Variants in RHOBTB1 observed in about 807,000 individuals in gnomAD.
RHOBTB1 encodes rho-related BTB domain-containing protein 1.
In RHOBTB1, 40 loss-of-function variants were observed where a neutral mutation model predicts 71.6. That is an observed-to-expected ratio of 0.56 (90% CI 0.43 to 0.73). The LOEUF (loss-of-function observed/expected upper bound fraction) is 0.73. RHOBTB1 is among the 30% of genes least tolerant of loss of function. The pLI is 0.00. For missense variants in RHOBTB1, 797 were observed against 894.0 expected, an observed-to-expected ratio of 0.89 and a Z score of 1.38; for synonymous variants, 319 against 334.9, an observed-to-expected ratio of 0.95 and a Z score of 0.52.
At chr10:60,867,479 T>C (rs2080640132), downstream of RHOBTB1, among the ~76,000 whole-genome samples, 1 of 152,252 alleles carries the variant, frequency 6.6e-6, no homozygotes, top group Non-Finnish European at 1.5e-5. Context: ...TGTAAATCCA[T>C]GTCGCTGTGG....
intron 2 of RHOBTB1, among the ~76,000 whole-genome samples, chr10:60,977,213 G>T (rs1223162661): frequency 6.6e-6 from 1 of 151,954 alleles, no homozygotes; most frequent in Non-Finnish European, 1.5e-5. Flanking sequence ...CAGTGCTTAG[G>T]GAGCATTTTG....
chr10:60,871,528 G>A lies in RHOBTB1; in HGVS notation c.2045C>T (p.Ser682Leu). 1.2e-6 allele frequency: 2 copies of A among 1,614,042 alleles called. No individual in the cohort carries two copies. The highest frequency in any genetic ancestry group is 1.7e-6 in the Non-Finnish European group (2 of 1,179,972). Residue 682 changes from serine to leucine, a missense_variant, in exon 11 of 11, where the codon TCA becomes TTA. Physicochemically the swap from Ser to Leu is moderately radical, Grantham distance 145. Around this residue, in one of 2 missense-constraint regions of RHOBTB1, gnomAD observed 658 missense variants for 681.5 expected, o/e 0.97. Coordinates refer to ENST00000337910, the MANE Select transcript of RHOBTB1 (RefSeq NM_014836.5). Reference protein sequence around the residue: ...KEDIALNKHRSRRKWCFWNSS... With the variant: ...KEDIALNKHRLRRKWCFWNSS... Reference sequence around the variant, plus strand: ...ATTCCAGAAGCACCACTTTCGTCTTGAGCGATGCTTATTTAGTGCAATATC... The same window carrying A: ...ATTCCAGAAGCACCACTTTCGTCTTAAGCGATGCTTATTTAGTGCAATATC...
At chr10:60,865,848 C>G (rs527379072), downstream of RHOBTB1, among the ~76,000 whole-genome samples, 5 of 152,092 alleles carry the variant, frequency 3.3e-5, no homozygotes, top group East Asian at 1.9e-4. Context: ...TTTATTTTTT[C>G]TGAGACATAG....
intron 1 of RHOBTB1, among the ~76,000 whole-genome samples, chr10:60,991,672 C>T (rs188635533): frequency 9.2e-5 from 14 of 152,062 alleles, no homozygotes; most frequent in African/African-American, 2.2e-4. Flanking sequence ...ACCTTGTGAT[C>T]CACCCGCCTC....
At chr10:60,973,188 A>T (rs1335284819) in intron 2 of RHOBTB1, among the ~76,000 whole-genome samples, 1 of 152,074 alleles carries the variant, frequency 6.6e-6, no homozygotes, top group Non-Finnish European at 1.5e-5. Flanking sequence ...TGAGAAAACA[A>T]GCAGCGTCTT....
chr10:60,894,490 T>C (rs367946020), intron 4 of RHOBTB1, among the ~76,000 whole-genome samples: 1 of 152,240 alleles, frequency 6.6e-6, no homozygotes, highest in Admixed American at 6.5e-5. Context: ...TTTGGGATTC[T>C]GATTTACTTA....
intron 1 of RHOBTB1, among the ~76,000 whole-genome samples, chr10:60,988,159 C>T (rs1299598211): frequency 3.3e-5 from 5 of 151,840 alleles, no homozygotes; most frequent in Non-Finnish European, 7.4e-5. Context: ...TGGTCTCGAC[C>T]TCCTGACCTC....
At chr10:60,930,690 T>C (rs1488697926) in intron 2 of RHOBTB1, among the ~76,000 whole-genome samples, 1 of 152,154 alleles carries the variant, frequency 6.6e-6, no homozygotes, top group African/African-American at 2.4e-5. Context: ...CACCTTACAG[T>C]GAACCTCCTA....
At position 60,872,057 on chromosome 10, in the gene RHOBTB1, A is replaced by G. The variant is rs1017440981; in HGVS notation, c.1921+128T>C. ...TGTCATCTCACATTAATATGTGACC[A>G]CCAGCCAGTCTCGAGGAATCATCCA... On this transcript the variant is annotated intron_variant, in intron 10 of 10. Transcript: ENST00000337910. The G allele has an allele frequency of 1.1e-5, 8 of 752,436 alleles. No homozygotes were observed. The Admixed American group carries it at 1.6e-4, about 15-fold the overall frequency. The allele number at this position is 752,436 out of a possible 1,614,324, so 46.6% of individuals were successfully genotyped here.
chr10:60,992,511 C>T (rs779796195), intron 1 of RHOBTB1, among the ~76,000 whole-genome samples: 1 of 152,120 alleles, frequency 6.6e-6, no homozygotes, highest in Non-Finnish European at 1.5e-5. Flanking sequence ...GCTGGATATG[C>T]CTTTTTATAT....
chr10:61,001,107 C>T (rs2087251258), intron 1 of RHOBTB1, among the ~76,000 whole-genome samples: 1 of 151,830 alleles, frequency 6.6e-6, no homozygotes, highest in South Asian at 2.1e-4. Flanking sequence ...TGCTGGGGGA[C>T]GCTTAGGTAG....
At chr10:60,979,125 A>G (rs1056872260) in intron 2 of RHOBTB1, among the ~76,000 whole-genome samples, 4 of 152,188 alleles carry the variant, frequency 2.6e-5, no homozygotes, top group African/African-American at 9.7e-5. Context: ...AGGAACATGT[A>G]TGCTAGGAAA....
intron 2 of RHOBTB1, among the ~76,000 whole-genome samples, chr10:60,933,957 A>C (rs150499467): frequency 2.6e-3 from 392 of 152,332 alleles, no homozygotes; most frequent in Non-Finnish European, 4.8e-3. Context: ...TGAGATATAG[A>C]TATACTAAAA....
chr10:60,890,452 C>T (rs534384571), intron 5 of RHOBTB1, among the ~76,000 whole-genome samples: 24 of 151,392 alleles, frequency 1.6e-4, no homozygotes, highest in African/African-American at 5.1e-4. Flanking sequence ...ACACAAGGCC[C>T]ATTTACAACC....
rs1297888362 is a variant in RHOBTB1, at chr10:60,870,523, C to G, written c.*959G>C. ...GCCTGTTTCTGGTGGTGAGATGTGACAAGCCTGTAGATGGCAGGAGGGAGT... is the reference window on the plus strand; with the variant it reads ...GCCTGTTTCTGGTGGTGAGATGTGAGAAGCCTGTAGATGGCAGGAGGGAGT... On this transcript the variant is annotated 3_prime_UTR_variant, in exon 11 of 11. Transcript: ENST00000337910. 6.6e-6 allele frequency: 1 copy of G among 152,196 alleles called. No homozygotes were observed. The highest frequency in any genetic ancestry group is 6.5e-5 in the Admixed American group (1 of 15,276). 9.4% of individuals were successfully genotyped at this position (152,196 alleles called of 1,614,324 possible).
chr10:61,001,291 T>C (rs941802177), intron 1 of RHOBTB1: 3 of 152,098 alleles, frequency 2.0e-5, no homozygotes, highest in African/African-American at 7.2e-5. Flanking sequence ...AGCCTGCGGA[T>C]GTGGGGACTG....
the RHOBTB1 span, among the ~76,000 whole-genome samples, chr10:60,863,536 T>TC: frequency 1.1e-4 from 17 of 150,850 alleles, no homozygotes; most frequent in African/African-American, 4.0e-4. Context: ...GGTCTTCACA[T>TC]CCCCTTTTTT....
In RHOBTB1 at chr10:60,869,840, A is replaced by C. The variant is rs2080698384; in HGVS notation, c.*1642T>G. On this transcript the variant is annotated 3_prime_UTR_variant, in exon 11 of 11. Coordinates refer to ENST00000337910, the MANE Select transcript of RHOBTB1 (RefSeq NM_014836.5). ...CTCTACTGCCTTCTCTTTTGTCATG[A>C]CAAGGTGATGCATTTCTGGGCCTCT... 1 of 152,562 alleles carries C rather than the reference A, an allele frequency of 6.6e-6. No individual in the cohort carries two copies. The highest frequency in any genetic ancestry group is 6.5e-5 in the Admixed American group (1 of 15,268). 9.5% of individuals were successfully genotyped at this position (152,562 alleles called of 1,614,324 possible). A position where few individuals can be genotyped will look rare whatever the true frequency, so the allele number is the denominator to read the frequency against.
At chr10:60,875,083 C>G (rs1382587910) in intron 8 of RHOBTB1, 41 bp from the exon 9 acceptor site, 3 of 1,495,022 alleles carry the variant, frequency 2.0e-6, no homozygotes, top group Non-Finnish European at 2.8e-6. Flanking sequence ...TAAACCACGC[C>G]CTGCGAGCCA....
Sources: allele counts gnomAD v4.1 joint callset (sites outside exome capture counted in the v4.1 genomes callset), GRCh38; gene constraint gnomAD v4.1.1; regional missense constraint gnomAD v4.1.1; transcripts MANE v1.5; gene names NCBI Gene and HGNC (gene_info 2026-07-23, HGNC 2026-07-21).